TBCE: variants seen among roughly 807,000 people sequenced by gnomAD.
TBCE encodes tubulin-specific chaperone E.
Under a neutral mutation model 77.0 loss-of-function variants are expected in TBCE, and 53 were observed. That is an observed-to-expected ratio of 0.69 (90% CI 0.55 to 0.87). The LOEUF (loss-of-function observed/expected upper bound fraction) is 0.87. TBCE is among the 40% of genes least tolerant of loss of function. TBCE has a pLI of 0.00. For missense variants in TBCE, 624 were observed against 622.4 expected, an observed-to-expected ratio of 1.00 and a Z score of -0.03; for synonymous variants, 235 against 241.3, an observed-to-expected ratio of 0.97 and a Z score of 0.24.
Position 235,448,360 on chromosome 1 carries a change from A to G in TBCE, c.1411A>G (p.Ile471Val), listed in dbSNP as rs1195769285. Residue 471 changes from isoleucine to valine, a missense_variant, in exon 16 of 17, where the codon ATT (isoleucine) becomes GTT (valine). By Grantham distance (29) the Ile-to-Val change is conservative. Transcript: ENST00000642610. ...TTGTCTTTTGATAGGCTCCATGACA[A>G]TTCAAAAGGTGAAGGGATTGCTGTC... is the stretch of plus-strand genomic sequence containing the variant. ...LEKQLPGSMT[I>V]QKVKGLLSRL... 2.5e-6 allele frequency: 4 copies of G among 1,614,116 alleles called. No individual in the cohort carries two copies. The highest frequency in any genetic ancestry group is 3.4e-6 in the Non-Finnish European group (4 of 1,179,974).
At chr1:235,402,756 C>A (rs568791914) in intron 3 of TBCE, among the ~76,000 whole-genome samples, 8 of 152,170 alleles carry the variant, frequency 5.3e-5, no homozygotes, top group Admixed American at 1.3e-4. Context: ...TCCTGAGTAG[C>A]TGGGACTACA....
chr1:235,450,340 C>T lies in TBCE; in HGVS notation c.*1578C>T. ...GTCTTCTCACACAGCCACAGACTGT[C>T]CTGTTGAGAAACAACCAAAGCCGAT... On this transcript the variant is annotated 3_prime_UTR_variant, in exon 17 of 17. Coordinates refer to ENST00000642610, the MANE Select transcript of TBCE (RefSeq NM_003193.5). The T allele has an allele frequency of 1.2e-6, 2 of 1,613,928 alleles. No individual in the cohort carries two copies. The highest frequency in any genetic ancestry group is 1.7e-6 in the Non-Finnish European group (2 of 1,179,872).
chr1:235,374,868 T>C (rs1470226407), intron 1 of TBCE, among the ~76,000 whole-genome samples: 1 of 144,026 alleles, frequency 6.9e-6, no homozygotes, highest in African/African-American at 2.7e-5. Context: ...CATAGGGCAG[T>C]AGTAGAAAAT....
rs529581388 is a variant in TBCE, at chr1:235,385,215, C to G, written c.100+5066C>G. 9.4e-4 allele frequency among the ~76,000 whole-genome samples: 143 copies of G among 152,198 alleles called. 1 individual carries two copies. The highest frequency in any genetic ancestry group is 1.7e-3 in the Non-Finnish European group (119 of 68,024). ...TATAATGTCTGATCTTTTACATTTG[C>G]TGAGGAGAGCTTTACTTCCAACTAT... On this transcript the variant is annotated intron_variant, in intron 2 of 16. Transcript: ENST00000642610.
intron 3 of TBCE, among the ~76,000 whole-genome samples, chr1:235,411,577 A>T (rs1423175583): frequency 1.3e-5 from 2 of 152,176 alleles, no homozygotes; most frequent in Non-Finnish European, 2.9e-5. Flanking sequence ...GAGTAAAGTG[A>T]AAGCAAGTTT....
chr1:235,398,294 C>G (rs745878093), intron 2 of TBCE, among the ~76,000 whole-genome samples: 3 of 151,638 alleles, frequency 2.0e-5, no homozygotes, highest in Admixed American at 6.6e-5. Context: ...TACAGGCACC[C>G]GCCACCACGC....
chr1:235,446,837 G>T (rs1007555831), intron 15 of TBCE, among the ~76,000 whole-genome samples: 4 of 151,612 alleles, frequency 2.6e-5, no homozygotes, highest in African/African-American at 9.7e-5. Flanking sequence ...GGCGTACATC[G>T]CTATGCTTGG....
At position 235,451,902 on chromosome 1, in the gene TBCE, C is replaced by T. The variant is rs1009531904; in HGVS notation, c.*3140C>T. ...TGCAGATTCATTTTTTTTTCTGGTT[C>T]AGCAATACTGTGTTTTAAATGATGT... On this transcript the variant is annotated 3_prime_UTR_variant, in exon 17 of 17. Coordinates refer to ENST00000642610, the MANE Select transcript of TBCE (RefSeq NM_003193.5). 6.6e-6 allele frequency: 1 copy of T among 152,036 alleles called. No homozygotes were observed. Among genetic ancestry groups the T allele is most frequent in the African/African-American group, 2.4e-5 (1 of 41,396 alleles). The allele number at this position is 152,036 out of a possible 1,614,324, so 9.4% of individuals were successfully genotyped here.
intron 15 of TBCE, among the ~76,000 whole-genome samples, chr1:235,446,484 T>C (rs533332252): frequency 4.9e-4 from 74 of 152,182 alleles, no homozygotes; most frequent in African/African-American, 1.8e-3. Context: ...GCTTAAAACC[T>C]ATACATCCTT....
At chr1:235,433,104 T>G in intron 7 of TBCE, 1 of 1,517,746 alleles carries the variant, frequency 6.6e-7, no homozygotes, top group Non-Finnish European at 8.8e-7. Context: ...CCAAGGCCAG[T>G]GAGGTCACGG....
In TBCE at chr1:235,449,001, A is replaced by G. The variant is rs1682705141; in HGVS notation, c.*239A>G. The G allele has an allele frequency of 1.1e-5, 5 of 442,214 alleles. No individual in the cohort carries two copies. Among genetic ancestry groups the G allele is most frequent in the Non-Finnish European group, 2.1e-5 (5 of 239,668 alleles). The allele number at this position is 442,214 out of a possible 1,614,324, so 27.4% of individuals were successfully genotyped here. ...CTGATCTTATTTCATATTTATTTTT[A>G]CAGCTCATCACTGCATTTCATGATA... On this transcript the variant is annotated 3_prime_UTR_variant, in exon 17 of 17. Coordinates refer to ENST00000642610, the MANE Select transcript of TBCE (RefSeq NM_003193.5).
chr1:235,421,748 T>G (rs1406942571), intron 5 of TBCE, among the ~76,000 whole-genome samples: 2 of 152,108 alleles, frequency 1.3e-5, no homozygotes, highest in African/African-American at 4.8e-5. Flanking sequence ...CCAAATAGAC[T>G]TTCTTTAACT....
At chr1:235,372,751 C>T (rs886086090) in intron 1 of TBCE, among the ~76,000 whole-genome samples, 9 of 151,650 alleles carry the variant, frequency 5.9e-5, no homozygotes, top group Non-Finnish European at 1.3e-4. Flanking sequence ...GGTGAAACCA[C>T]GTCTCTACTA....
rs1274189247 is a variant in TBCE at position 235,369,129 on chromosome 1, TATCTCGGTTGATCCTTTAAAAAAAA to T, written c.-32+1629_-32+1653del. On this transcript the variant is annotated intron_variant, in intron 1 of 16. Coordinates refer to ENST00000642610, the MANE Select transcript of TBCE (RefSeq NM_003193.5). Reference sequence around the variant, plus strand: ...CTCTTTTAGTCTGTTTGCATCACAGTATCTCGGTTGATCCTTTAAAAAAAAATCAGATTTATGTCTTTCCTCTCAA... The same window carrying T: ...CTCTTTTAGTCTGTTTGCATCACAGTATCAGATTTATGTCTTTCCTCTCAA... 1.1e-4 allele frequency among the ~76,000 whole-genome samples: 17 copies of T among 152,248 alleles called. No homozygotes were observed. In the East Asian group the frequency reaches 3.1e-3, roughly 28 times the overall value.
rs1479960735 is a variant in TBCE, at chr1:235,448,359, A to T, written c.1410A>T (p.Thr470=). 2 of 1,614,100 alleles carry T rather than the reference A, an allele frequency of 1.2e-6. No individual in the cohort carries two copies. The highest frequency in any genetic ancestry group is 2.7e-5 in the African/African-American group (2 of 75,052). ...CTTGTCTTTTGATAGGCTCCATGAC[A>T]ATTCAAAAGGTGAAGGGATTGCTGT... The part of the protein sequence containing the change: ...VLEKQLPGSM[T]IQKVKGLLSR... The change falls in exon 16 of 17, where the codon ACA becomes ACT. Residue 470 remains threonine (T), a synonymous_variant. Transcript: ENST00000642610.
chr1:235,380,161 TTGTGTGTGTG>T lies in TBCE; in HGVS notation c.100+56_100+65del, dbSNP rs10524346. On this transcript the variant is annotated intron_variant, in intron 2 of 16. Transcript: ENST00000642610. ...CCCTCCCGTGGCAGGTAAGCAATTA[TTGTGTGTGTG>T]TGTGTGTGTGTGTGTGTGTGTGTGT... The T allele has an allele frequency of 4.9e-3, 5,522 of 1,137,692 alleles. 24 individuals are homozygous for T. Among genetic ancestry groups the T allele is most frequent in the East Asian group, 0.016 (601 of 38,652 alleles). 70.5% of individuals were successfully genotyped at this position (1,137,692 alleles called of 1,614,324 possible). A position where few individuals can be genotyped will look rare whatever the true frequency, so the allele number is the denominator to read the frequency against.
At chr1:235,435,587 A>G (rs1681395992) in intron 8 of TBCE, among the ~76,000 whole-genome samples, 158 bp from the exon 9 acceptor site, 1 of 152,154 alleles carries the variant, frequency 6.6e-6, no homozygotes, top group Admixed American at 6.6e-5. Flanking sequence ...GAATATGTGC[A>G]TCACCACAGG....
intron 7 of TBCE, chr1:235,433,044 C>T: frequency 1.9e-6 from 3 of 1,550,666 alleles, no homozygotes; most frequent in Non-Finnish European, 2.6e-6. Flanking sequence ...GCTCCACCAG[C>T]AACTGCATCA....
intron 3 of TBCE, among the ~76,000 whole-genome samples, chr1:235,409,609 C>T (rs967320566): frequency 2.6e-5 from 4 of 151,696 alleles, no homozygotes; most frequent in Admixed American, 6.6e-5. Context: ...TTGCAACTAC[C>T]TAACAACATT....
Sources: allele counts gnomAD v4.1 joint callset (sites outside exome capture counted in the v4.1 genomes callset), GRCh38; gene constraint gnomAD v4.1.1; transcripts MANE v1.5; gene names NCBI Gene and HGNC (gene_info 2026-07-23, HGNC 2026-07-21).